The following SUPT3H variants were observed in gnomAD, a reference collection of about 807,000 sequenced individuals.
SUPT3H encodes transcription initiation protein SPT3 homolog.
Under a neutral mutation model 44.3 loss-of-function variants are expected in SUPT3H, and 44 were observed. The ratio of observed to expected loss-of-function variants is 0.99; its 90% confidence interval spans 0.78 to 1.28. SUPT3H has a LOEUF of 1.28. Among genes scored for constraint, SUPT3H ranks in the 50% most tolerant of loss-of-function variants. The probability of loss-of-function intolerance (pLI) is 0.00; values close to 1 mark genes in which losing one functional copy is unlikely to be tolerated. For synonymous variants in SUPT3H, 124 were observed against 125.6 expected (o/e 0.99, Z 0.09); for missense variants, 380 against 387.1 (o/e 0.98, Z 0.15).
At chr6:45,364,030 G>A (rs888355204) in intron 2 of SUPT3H, among the ~76,000 whole-genome samples, 1 of 151,624 alleles carries the variant, frequency 6.6e-6, no homozygotes, top group African/African-American at 2.4e-5. Flanking sequence ...CAGGAAAATC[G>A]CTTCAACCTA....
chr6:45,016,580 G>A (rs1583069341), intron 4 of SUPT3H, among the ~76,000 whole-genome samples: 1 of 144,420 alleles, frequency 6.9e-6, no homozygotes, highest in East Asian at 2.1e-4. Flanking sequence ...ATCTATGAGT[G>A]AGAACATGCA....
At chr6:45,178,707 C>A (rs1190190752) in intron 2 of SUPT3H, among the ~76,000 whole-genome samples, 1 of 152,104 alleles carries the variant, frequency 6.6e-6, no homozygotes, top group Non-Finnish European at 1.5e-5. Context: ...GAAATTATAA[C>A]AAACTGTCTC....
chr6:44,820,854 G>A (rs1157467025), intron 11 of SUPT3H, among the ~76,000 whole-genome samples: 2 of 152,140 alleles, frequency 1.3e-5, no homozygotes, highest in Non-Finnish European at 2.9e-5. Flanking sequence ...TAGAGAAAGT[G>A]ATTTATGTTT....
rs139274210 is a variant in SUPT3H, at chr6:44,857,746, C to A, written c.913-27889G>T. The stretch of plus-strand genomic sequence containing the variant: ...AGGACAAAAACATTACAGCTGGAAT[C>A]CTTTGGTAAGCAACTCTCGAACTAT... On this transcript the variant is annotated intron_variant, in intron 10 of 10. Transcript: ENST00000371459. Among the ~76,000 whole-genome samples the A allele has an allele frequency of 1.9e-3, 289 of 150,220 alleles. 1 individual carries two copies. Among genetic ancestry groups the A allele is most frequent in the African/African-American group, 6.5e-3 (261 of 40,024 alleles).
chr6:45,128,545 TATATATATATATACACAC>T lies in SUPT3H; in HGVS notation c.102-22557_102-22540del, dbSNP rs1260746744. On this transcript the variant is annotated intron_variant, in intron 2 of 10. Transcript: ENST00000371459. ...AAAAAAAAAAAAAAATATATATATATATATATATATATACACACACACACACACACACACACACATACA... is the reference window on the plus strand; with the variant it reads ...AAAAAAAAAAAAAAATATATATATATACACACACACACACACACACATACA... 1.7e-4 allele frequency among the ~76,000 whole-genome samples: 10 copies of T among 59,660 alleles called. 1 individual carries two copies. In the South Asian group the frequency reaches 1.7e-3, roughly 10 times the overall value. The allele number at this position is 59,660 out of a possible 152,430, so 39.1% of individuals were successfully genotyped here.
intron 2 of SUPT3H, among the ~76,000 whole-genome samples, chr6:45,207,289 A>G (rs1229051391): frequency 6.6e-6 from 1 of 152,200 alleles, no homozygotes; most frequent in African/African-American, 2.4e-5. Flanking sequence ...GAAGATAAGG[A>G]CTGAAAACTA....
At chr6:45,296,670 C>T (rs1291280882) in intron 2 of SUPT3H, among the ~76,000 whole-genome samples, 1 of 129,528 alleles carries the variant, frequency 7.7e-6, no homozygotes, top group African/African-American at 2.9e-5. Flanking sequence ...ACCCGGGACA[C>T]GGAGGTTGCA....
At chr6:45,191,540 G>C (rs1183332048) in intron 2 of SUPT3H, among the ~76,000 whole-genome samples, 2 of 152,048 alleles carry the variant, frequency 1.3e-5, no homozygotes, top group Non-Finnish European at 2.9e-5. Flanking sequence ...AACACCAAGA[G>C]TGAATCCTAA....
chr6:45,182,722 T>A (rs563592093), intron 2 of SUPT3H, among the ~76,000 whole-genome samples: 6 of 152,342 alleles, frequency 3.9e-5, no homozygotes, highest in African/African-American at 1.4e-4. Context: ...TATTTCTTTT[T>A]TGGATGACTT....
chr6:44,885,908 C>T (rs947939141), intron 10 of SUPT3H, among the ~76,000 whole-genome samples: 1 of 152,116 alleles, frequency 6.6e-6, no homozygotes, highest in East Asian at 1.9e-4. Flanking sequence ...AACCAATACA[C>T]AGAAGTGCTT....
At chr6:44,901,458 A>C (rs1412049702) in intron 10 of SUPT3H, among the ~76,000 whole-genome samples, 1 of 152,200 alleles carries the variant, frequency 6.6e-6, no homozygotes, top group African/African-American at 2.4e-5. Flanking sequence ...TGAAGCGAGA[A>C]GAGAAGTTTA....
chr6:45,306,081 G>A (rs1005155688), intron 2 of SUPT3H, among the ~76,000 whole-genome samples: 1 of 152,192 alleles, frequency 6.6e-6, no homozygotes, highest in African/African-American at 2.4e-5. Flanking sequence ...GTGCCTACAT[G>A]ATACATATCA....
chr6:45,253,747 T>G (rs983517073), intron 2 of SUPT3H, among the ~76,000 whole-genome samples: 4 of 151,458 alleles, frequency 2.6e-5, no homozygotes, highest in Admixed American at 2.6e-4. Flanking sequence ...GAGCTATGAC[T>G]GTGCTACTAC....
At chr6:44,908,523 T>C (rs1043219827) in intron 10 of SUPT3H, among the ~76,000 whole-genome samples, 22 of 152,156 alleles carry the variant, frequency 1.4e-4, no homozygotes, top group Non-Finnish European at 3.1e-4. Flanking sequence ...ATACTACGCA[T>C]GAATTCATGG....
At chr6:45,138,831 T>G (rs1338698662) in intron 2 of SUPT3H, among the ~76,000 whole-genome samples, 1 of 152,214 alleles carries the variant, frequency 6.6e-6, no homozygotes, top group Non-Finnish European at 1.5e-5. Context: ...TCAACACTTA[T>G]GACAGTGAAT....
At chr6:45,107,146 G>A (rs1222796032) in intron 2 of SUPT3H, among the ~76,000 whole-genome samples, 1 of 152,102 alleles carries the variant, frequency 6.6e-6, no homozygotes, top group Non-Finnish European at 1.5e-5. Flanking sequence ...TACCTTCTTG[G>A]TAAAGAACAC....
chr6:45,329,680 C>A (rs776249778), intron 2 of SUPT3H, among the ~76,000 whole-genome samples: 6 of 151,804 alleles, frequency 4.0e-5, no homozygotes, highest in Non-Finnish European at 7.4e-5. Context: ...TTTTTAAAAG[C>A]CACAACTATT....
chr6:44,823,495 C>T (rs960588930), downstream of SUPT3H, among the ~76,000 whole-genome samples: 6 of 152,294 alleles, frequency 3.9e-5, no homozygotes, highest in Middle Eastern at 3.4e-3. Flanking sequence ...ACATAGGCCA[C>T]GCAGCCCTAC....
At chr6:44,964,215 G>A (rs991566684) in intron 6 of SUPT3H, among the ~76,000 whole-genome samples, 2 of 152,110 alleles carry the variant, frequency 1.3e-5, no homozygotes, top group East Asian at 1.9e-4. Context: ...GAACAAATGC[G>A]ACTGTTTTAT....
Sources: gnomAD v4.1 joint callset for allele counts (sites outside exome capture counted in the v4.1 genomes callset) on GRCh38, gnomAD v4.1.1 for gene constraint, MANE v1.5 for transcripts, NCBI Gene and HGNC (gene_info 2026-07-23, HGNC 2026-07-21) for gene names.